SPECC1: variants seen among roughly 807,000 people sequenced by gnomAD.
The protein encoded by SPECC1 is sperm antigen with calponin homology and coiled-coil domains 1, also known as cytospin-B.
A neutral mutation model predicts 104.1 loss-of-function variants in SPECC1; 62 were observed. That is an observed-to-expected ratio of 0.60 (90% CI 0.49 to 0.74). SPECC1 has a LOEUF of 0.74. Among genes scored for constraint, SPECC1 ranks in the 30% least tolerant of loss-of-function variants. The pLI, the probability that SPECC1 is intolerant of heterozygous loss-of-function variation, is 0.00. For missense variants in SPECC1, 1,306 were observed against 1,310.5 expected (o/e 1.00, Z 0.05); for synonymous variants, 513 against 501.6 (o/e 1.02, Z -0.30).
intron 5 of SPECC1, among the ~76,000 whole-genome samples, chr17:20,231,057 G>C (rs1347652170): frequency 1.3e-5 from 2 of 152,216 alleles, no homozygotes; most frequent in African/African-American, 2.4e-5. Context: ...GACACCATCA[G>C]ATTTAAATTT....
intron 1 of SPECC1, among the ~76,000 whole-genome samples, chr17:20,016,217 CAAAA>C (rs71157853): frequency 1.9e-5 from 2 of 104,042 alleles, no homozygotes; most frequent in Non-Finnish European, 2.0e-5. Flanking sequence ...GACTCCATCT[CAAAA>C]AAAAAAAAAA....
At chr17:20,116,153 T>C (rs538572947) in intron 3 of SPECC1, among the ~76,000 whole-genome samples, 1 of 152,140 alleles carries the variant, frequency 6.6e-6, no homozygotes, top group Non-Finnish European at 1.5e-5. Flanking sequence ...AGTGGCGCGA[T>C]CTTGGCTCAC....
chr17:20,070,098 T>G (rs575522146), intron 1 of SPECC1, among the ~76,000 whole-genome samples: 1 of 152,300 alleles, frequency 6.6e-6, no homozygotes, highest in Non-Finnish European at 1.5e-5. Context: ...TGGATGCATT[T>G]TCTTTCTTTT....
intron 3 of SPECC1, among the ~76,000 whole-genome samples, chr17:20,194,500 G>A (rs1258653295): frequency 1.7e-4 from 14 of 84,098 alleles, no homozygotes; most frequent in Admixed American, 8.7e-4. Flanking sequence ...AAAAGAGAAC[G>A]AATTTTTTTT....
intron 12 of SPECC1, among the ~76,000 whole-genome samples, chr17:20,274,310 GA>G (rs958976834): frequency 6.6e-6 from 1 of 152,170 alleles, no homozygotes; most frequent in African/African-American, 2.4e-5. Context: ...GCCGAGCAGA[GA>G]AATGAGAGCA....
chr17:20,030,789 T>TAA (rs2044777556), intron 1 of SPECC1, among the ~76,000 whole-genome samples: 1 of 152,210 alleles, frequency 6.6e-6, no homozygotes, highest in Non-Finnish European at 1.5e-5. Flanking sequence ...TCTACTTTTG[T>TAA]TTCTCTGGGA....
At chr17:20,037,476 T>C (rs1025482141) in intron 1 of SPECC1, among the ~76,000 whole-genome samples, 1 of 151,760 alleles carries the variant, frequency 6.6e-6, no homozygotes, top group Non-Finnish European at 1.5e-5. Flanking sequence ...ATACTGCCCT[T>C]GTCCAGTGCT....
intron 7 of SPECC1, among the ~76,000 whole-genome samples, chr17:20,244,916 A>G (rs1211429377): frequency 6.6e-6 from 1 of 152,190 alleles, no homozygotes; most frequent in Non-Finnish European, 1.5e-5. Context: ...AGTCCCCTAT[A>G]TGAGGAAGCC....
chr17:20,318,896 A>C lies in SPECC1; in HGVS notation c.*4831A>C, dbSNP rs1468093913. On this transcript the variant is annotated 3_prime_UTR_variant, in exon 15 of 15. Transcript: ENST00000395527. ...TTGATACATCTGTGGCCTCGTGTCT[A>C]TAAAGAGCACACTAGATTGTACCCA... 3 of 194,778 alleles carry C rather than the reference A, an allele frequency of 1.5e-5. No homozygotes were observed. The highest frequency in any genetic ancestry group is 3.2e-5 in the Non-Finnish European group (3 of 94,094). The allele number at this position is 194,778 out of a possible 1,614,324, so 12.1% of individuals were successfully genotyped here.
At chr17:20,204,158 T>TG (rs906286726) in intron 3 of SPECC1, among the ~76,000 whole-genome samples, 175 bp from the exon 4 acceptor site, 1 of 152,140 alleles carries the variant, frequency 6.6e-6, no homozygotes, top group Non-Finnish European at 1.5e-5. Flanking sequence ...AGTATAGGGC[T>TG]GTGGGGAGGA....
chr17:20,307,644 G>C (rs1013321239), intron 14 of SPECC1, among the ~76,000 whole-genome samples: 3 of 152,096 alleles, frequency 2.0e-5, no homozygotes, highest in African/African-American at 7.2e-5. Flanking sequence ...AATGACTGTT[G>C]GGCTATCTAA....
At chr17:20,259,241 C>T (rs2039942268) in intron 11 of SPECC1, among the ~76,000 whole-genome samples, 1 of 152,236 alleles carries the variant, frequency 6.6e-6, no homozygotes, top group African/African-American at 2.4e-5. Context: ...ACATATTGTC[C>T]TGTTTATGTG....
At chr17:20,283,362 G>A (rs1453332622) in intron 12 of SPECC1, among the ~76,000 whole-genome samples, 1 of 152,148 alleles carries the variant, frequency 6.6e-6, no homozygotes, top group Non-Finnish European at 1.5e-5. Flanking sequence ...CATTCTGATT[G>A]TCTGTAGCTG....
intron 1 of SPECC1, among the ~76,000 whole-genome samples, chr17:20,016,281 A>G (rs1004711660): frequency 3.3e-5 from 5 of 151,682 alleles, no homozygotes; most frequent in Non-Finnish European, 7.4e-5. Flanking sequence ...TTAAAAAGGC[A>G]TAAATGAAAG....
chr17:20,288,616 CA>C (rs2041042416), intron 12 of SPECC1, among the ~76,000 whole-genome samples: 2 of 152,092 alleles, frequency 1.3e-5, no homozygotes, highest in African/African-American at 4.8e-5. Context: ...GAAAAATGAA[CA>C]CTTTTTTTTC....
chr17:20,158,898 A>G (rs1212483293), intron 3 of SPECC1, among the ~76,000 whole-genome samples: 2 of 151,592 alleles, frequency 1.3e-5, no homozygotes, highest in Non-Finnish European at 1.5e-5. Flanking sequence ...AGCTAGGACA[A>G]CAGGCCCGGC....
At chr17:20,283,505 A>G (rs990177594) in intron 12 of SPECC1, among the ~76,000 whole-genome samples, 1 of 152,180 alleles carries the variant, frequency 6.6e-6, no homozygotes, top group Non-Finnish European at 1.5e-5. Context: ...GTGAGACTGA[A>G]CATCTTTTCA....
chr17:20,223,744 T>C (rs986064765), intron 4 of SPECC1, among the ~76,000 whole-genome samples: 1 of 152,230 alleles, frequency 6.6e-6, no homozygotes, highest in Non-Finnish European at 1.5e-5. Flanking sequence ...TTCGCTGTGT[T>C]ATCTTGAATT....
At chr17:20,227,821 A>G (rs781154158) in intron 5 of SPECC1, among the ~76,000 whole-genome samples, 12 of 152,212 alleles carry the variant, frequency 7.9e-5, no homozygotes, top group Non-Finnish European at 1.6e-4. Context: ...AGGCTGAGGC[A>G]GGAGAATCAC....
Sources: allele counts gnomAD v4.1 joint callset (sites outside exome capture counted in the v4.1 genomes callset), GRCh38; gene constraint gnomAD v4.1.1; transcripts MANE v1.5; gene names NCBI Gene and HGNC (gene_info 2026-07-23, HGNC 2026-07-21).